The following UBR3 variants were observed in gnomAD, a reference collection of about 807,000 sequenced individuals.
UBR3 encodes the protein E3 ubiquitin-protein ligase UBR3.
UBR3 carries 85 observed loss-of-function variants against 243.2 expected under a neutral mutation model. The observed-to-expected ratio is 0.35, with a 90% CI of 0.29 to 0.42. The LOEUF is 0.42. Ranked by LOEUF, UBR3 falls within the 10% of genes least tolerant of loss-of-function variation. The pLI is 1.00. For missense variants in UBR3, 1,686 were observed against 2,300.8 expected (o/e 0.73, Z 5.47); for synonymous variants, 748 against 799.8 (o/e 0.94, Z 1.09).
intron 1 of UBR3, among the ~76,000 whole-genome samples, chr2:169,853,106 A>G (rs1314654251): frequency 2.0e-5 from 3 of 152,226 alleles, no homozygotes; most frequent in Admixed American, 6.5e-5. Flanking sequence ...TAACTAACAC[A>G]TAACTATTTG....
chr2:170,067,769 A>AT (rs1401475468), intron 35 of UBR3, among the ~76,000 whole-genome samples: 15 of 110,384 alleles, frequency 1.4e-4, no homozygotes, highest in Non-Finnish European at 2.7e-4. Context: ...ACAAGGAAAT[A>AT]ATTTTTTTTT....
chr2:169,897,137 A>G (rs1415517673), intron 8 of UBR3, among the ~76,000 whole-genome samples: 1 of 152,204 alleles, frequency 6.6e-6, no homozygotes, highest in Non-Finnish European at 1.5e-5. Flanking sequence ...TAATAAGTGC[A>G]GGTATTAATA....
chr2:170,081,534 A>T (rs566367842), intron 38 of UBR3, among the ~76,000 whole-genome samples, 192 bp from the exon 39 acceptor site: 2 of 151,770 alleles, frequency 1.3e-5, no homozygotes, highest in Non-Finnish European at 2.9e-5. Context: ...ATAAAAAAAT[A>T]AAAAAAGGAG....
chr2:169,950,786 C>G (rs887549418), intron 23 of UBR3, among the ~76,000 whole-genome samples: 1 of 150,646 alleles, frequency 6.6e-6, no homozygotes, highest in Non-Finnish European at 1.5e-5. Context: ...AGAGCCTTGT[C>G]AACATTGCTG....
At chr2:169,915,497 A>G (rs2085429125) in intron 11 of UBR3, among the ~76,000 whole-genome samples, 1 of 152,168 alleles carries the variant, frequency 6.6e-6, no homozygotes, top group Non-Finnish European at 1.5e-5. Context: ...CAGCCTCCCA[A>G]AGTGCTGGGA....
intron 1 of UBR3, among the ~76,000 whole-genome samples, chr2:169,851,736 G>T (rs2082663948): frequency 6.6e-6 from 1 of 151,660 alleles, no homozygotes; most frequent in Non-Finnish European, 1.5e-5. Flanking sequence ...GACTCAGGAG[G>T]CTGAGGCAGG....
chr2:169,907,196 C>T (rs1241232103), intron 10 of UBR3, among the ~76,000 whole-genome samples: 2 of 151,824 alleles, frequency 1.3e-5, no homozygotes, highest in Non-Finnish European at 2.9e-5. Flanking sequence ...ACCGGCACAC[C>T]TGGCTAATTT....
intron 19 of UBR3, among the ~76,000 whole-genome samples, chr2:169,933,291 G>GTGT (rs1195591217): frequency 6.6e-6 from 1 of 152,156 alleles, no homozygotes; most frequent in Non-Finnish European, 1.5e-5. Flanking sequence ...GCTTGGTTTT[G>GTGT]TGTTGTTCTA....
rs934514746 is a variant in UBR3 at position 169,932,940 on chromosome 2, C to T, written c.2595C>T (p.Pro865=). ...AAGTCTGGGATCAAGAGTTTGACCC[C>T]GTCATGGTCATTCTTCGAACAGTTT... ...KAEVWDQEFD[P]VMVILRTVYR... Residue 865 remains proline (P), a synonymous_variant, in exon 19 of 39, where the codon CCC becomes CCT. Transcript: ENST00000272793. 8 of 1,541,342 alleles carry T rather than the reference C, an allele frequency of 5.2e-6. No individual in the cohort carries two copies. Among genetic ancestry groups the T allele is most frequent in the East Asian group, 2.5e-5 (1 of 40,268 alleles).
intron 31 of UBR3, among the ~76,000 whole-genome samples, chr2:170,029,878 A>G (rs754979928): frequency 7.2e-5 from 11 of 152,154 alleles, no homozygotes; most frequent in Admixed American, 6.6e-4. Context: ...ATGGTGATTT[A>G]AAAAAATGCT....
intron 1 of UBR3, among the ~76,000 whole-genome samples, chr2:169,870,921 T>A (rs2083416582): frequency 6.6e-6 from 1 of 151,416 alleles, no homozygotes; most frequent in Non-Finnish European, 1.5e-5. Flanking sequence ...CCCAAAGTGC[T>A]GGGATTACAG....
Position 169,848,505 on chromosome 2 carries a change from C to G in UBR3, c.545+20453C>G, listed in dbSNP as rs946411734. Reference sequence around the variant, plus strand: ...AGGTTCTATATTACAGTTATATTTACTTTTTTATATTTATATTTAAGTTCA... The same window carrying G: ...AGGTTCTATATTACAGTTATATTTAGTTTTTTATATTTATATTTAAGTTCA... On this transcript the variant is annotated intron_variant, in intron 1 of 38. Coordinates refer to ENST00000272793, the MANE Select transcript of UBR3 (RefSeq NM_172070.4). 2.0e-5 allele frequency among the ~76,000 whole-genome samples: 3 copies of G among 151,598 alleles called. No homozygotes were observed. In the South Asian group the frequency reaches 6.2e-4, roughly 32 times the overall value.
chr2:169,940,638 C>A (rs1423653113), intron 19 of UBR3, among the ~76,000 whole-genome samples: 1 of 152,144 alleles, frequency 6.6e-6, no homozygotes. Flanking sequence ...AAACTGTTTA[C>A]CAATGTTTTT....
intron 10 of UBR3, among the ~76,000 whole-genome samples, chr2:169,912,031 A>C (rs1472385244): frequency 6.6e-6 from 1 of 152,158 alleles, no homozygotes; most frequent in African/African-American, 2.4e-5. Flanking sequence ...ATCAAGCAAG[A>C]ATTGACAGGA....
chr2:170,064,221 G>A (rs2091507893), intron 35 of UBR3, among the ~76,000 whole-genome samples: 2 of 151,960 alleles, frequency 1.3e-5, no homozygotes, highest in South Asian at 2.1e-4. Flanking sequence ...CTGTTTTTAA[G>A]CATAGTAGAT....
intron 24 of UBR3, among the ~76,000 whole-genome samples, chr2:169,980,280 A>G (rs2088658112): frequency 6.6e-6 from 1 of 152,216 alleles, no homozygotes; most frequent in African/African-American, 2.4e-5. Flanking sequence ...AGAGTTGGAG[A>G]CATTAGTATG....
chr2:169,905,482 A>T (rs2084979118), intron 9 of UBR3, among the ~76,000 whole-genome samples, 189 bp downstream of exon 9: 1 of 152,242 alleles, frequency 6.6e-6, no homozygotes, highest in Non-Finnish European at 1.5e-5. Flanking sequence ...GAAAAATGTC[A>T]AATGATTGAA....
At chr2:170,041,027 A>T in intron 32 of UBR3, 42 bp downstream of exon 32, 1 of 1,543,588 alleles carries the variant, frequency 6.5e-7, no homozygotes. Flanking sequence ...TATACTATGT[A>T]TTTTGAATAT....
At chr2:170,014,276 G>A (rs1056492210) in intron 29 of UBR3, 3 of 152,784 alleles carry the variant, frequency 2.0e-5, no homozygotes, top group Non-Finnish European at 4.4e-5. Flanking sequence ...AGTGCAAAAT[G>A]TTTTGTTTTA....
Sources: allele counts gnomAD v4.1 joint callset (sites outside exome capture counted in the v4.1 genomes callset), GRCh38; gene constraint gnomAD v4.1.1; transcripts MANE v1.5; gene names NCBI Gene and HGNC (gene_info 2026-07-23, HGNC 2026-07-21).